H6PD: variants seen among roughly 807,000 people sequenced by gnomAD.
The protein encoded by H6PD is GDH/6PGL endoplasmic bifunctional protein.
In H6PD, 48 loss-of-function variants were observed where a neutral mutation model predicts 61.2. The observed-to-expected ratio is 0.78, with a 90% CI of 0.62 to 1.00. The LOEUF is 1.00. H6PD is among the 50% of genes least tolerant of loss of function. The pLI, the probability that H6PD is intolerant of heterozygous loss-of-function variation, is 0.00. For missense variants in H6PD, 1,093 were observed against 1,065.0 expected, an observed-to-expected ratio of 1.03 and a Z score of -0.37; for synonymous variants, 480 against 457.9, an observed-to-expected ratio of 1.05 and a Z score of -0.62.
intron 3 of H6PD, among the ~76,000 whole-genome samples, chr1:9,250,872 C>T (rs1367134212): frequency 6.6e-6 from 1 of 152,226 alleles, no homozygotes; most frequent in African/African-American, 2.4e-5. Context: ...TCCCCTCCAT[C>T]CTCCATGCTG....
In H6PD at chr1:9,264,192, C is replaced by T; in HGVS notation, c.1699C>T (p.Leu567=). Residue 567 remains leucine, a synonymous_variant, in exon 5 of 5, where the codon CTG becomes TTG. Coordinates refer to ENST00000377403, the MANE Select transcript of H6PD (RefSeq NM_004285.4). ...SAWSEELISK[L]ANDIEATAVR... ...CTGGTCCGAGGAGCTGATCTCTAAGCTGGCTAATGACATCGAGGCCACCGC... is the reference window on the plus strand; with the variant it reads ...CTGGTCCGAGGAGCTGATCTCTAAGTTGGCTAATGACATCGAGGCCACCGC... The T allele has an allele frequency of 6.2e-7, 1 of 1,611,582 alleles. No individual in the cohort carries two copies. Among genetic ancestry groups the T allele is most frequent in the Non-Finnish European group, 8.5e-7 (1 of 1,178,718 alleles).
Position 9,264,125 on chromosome 1 carries a change from G to A in H6PD, c.1632G>A (p.Gln544=), listed in dbSNP as rs749142521. The A allele has an allele frequency of 3.2e-5, 52 of 1,613,868 alleles. No individual in the cohort carries two copies. Among genetic ancestry groups the A allele is most frequent in the Non-Finnish European group, 4.2e-5 (50 of 1,179,936 alleles). The change falls in exon 5 of 5, where the codon CAG becomes CAA. Residue 544 remains glutamine (Q), a synonymous_variant. Coordinates refer to ENST00000377403, the MANE Select transcript of H6PD (RefSeq NM_004285.4). ...PGPAPMPSDF[Q]VLRAKYRESP... ...CGGCCCCAATGCCCAGTGACTTCCA[G>A]GTCCTCAGGGCCAAGTACCGAGAGA...
intron 1 of H6PD, among the ~76,000 whole-genome samples, chr1:9,244,399 T>C (rs1641096728): frequency 6.6e-6 from 1 of 152,198 alleles, no homozygotes; most frequent in Non-Finnish European, 1.5e-5. Flanking sequence ...TTTCTGTCAC[T>C]ATGCTGTAGC....
chr1:9,243,079 G>A (rs749787969), intron 1 of H6PD: 32 of 538,796 alleles, frequency 5.9e-5, no homozygotes, highest in African/African-American at 8.2e-5. Context: ...TGATGGACGC[G>A]TCGTGTGTCC....
intron 3 of H6PD, among the ~76,000 whole-genome samples, chr1:9,258,249 GTGTTGTTACATCAGTGTTGTTACGTTGC>G (rs144778665): frequency 0.38 from 57,986 of 151,554 alleles, 12,305 homozygotes; most frequent in East Asian, 0.54. Flanking sequence ...TGTTATGTTG[GTGTTGTTACATCAGTGTTGTTACGTTGC>G]TGTTGTTACA....
In H6PD at chr1:9,270,365, T is replaced by C. The variant is rs1055010090; in HGVS notation, c.*5496T>C. The C allele has an allele frequency of 6.6e-6, 1 of 152,356 alleles. No individual in the cohort carries two copies. The highest frequency in any genetic ancestry group is 2.4e-5 in the African/African-American group (1 of 41,460). The allele number at this position is 152,356 out of a possible 1,614,324, so 9.4% of individuals were successfully genotyped here. A position where few individuals can be genotyped will look rare whatever the true frequency, so the allele number is the denominator to read the frequency against. The stretch of plus-strand genomic sequence containing the variant: ...TGAACAGACACTACTTGTGTCGCTT[T>C]GGGTCCTTCACTTTACCCCCACAGA... On this transcript the variant is annotated 3_prime_UTR_variant, in exon 5 of 5. Coordinates refer to ENST00000377403, the MANE Select transcript of H6PD (RefSeq NM_004285.4).
rs946770693 is a variant in H6PD, at chr1:9,245,781, C to T, written c.627+220C>T. On this transcript the variant is annotated intron_variant, in intron 2 of 4. Transcript: ENST00000377403. The surrounding 1 kb of genome is among the most constrained non-coding windows in gnomAD (Gnocchi z 4.8). ...TGTCCATGTGTCTGGCCTCTTTTGTCCTTTGCAAAGCCCCCGTTCTCGTTG... is the reference window on the plus strand; with the variant it reads ...TGTCCATGTGTCTGGCCTCTTTTGTTCTTTGCAAAGCCCCCGTTCTCGTTG... 6.6e-6 allele frequency among the ~76,000 whole-genome samples: 1 copy of T among 152,120 alleles called. No individual in the cohort carries two copies. The highest frequency in any genetic ancestry group is 6.5e-5 in the Admixed American group (1 of 15,268).
rs1186731505 is a variant in H6PD at position 9,245,679 on chromosome 1, C to G, written c.627+118C>G. On this transcript the variant is annotated intron_variant, in intron 2 of 4. Coordinates refer to ENST00000377403, the MANE Select transcript of H6PD (RefSeq NM_004285.4). The surrounding 1 kb of genome is among the most constrained non-coding windows in gnomAD (Gnocchi z 4.8). ...CCCAAGGCATTGTGAACTCAGAGCTCCCATGGTCTCCTTGAAGGTGGGCAG... is the reference window on the plus strand; with the variant it reads ...CCCAAGGCATTGTGAACTCAGAGCTGCCATGGTCTCCTTGAAGGTGGGCAG... 9.9e-7 allele frequency: 1 copy of G among 1,012,642 alleles called. No homozygotes were observed. The highest frequency in any genetic ancestry group is 1.5e-6 in the Non-Finnish European group (1 of 656,250). The allele number at this position is 1,012,642 out of a possible 1,614,324, so 62.7% of individuals were successfully genotyped here.
At chr1:9,235,903 C>T (rs1432722071) in intron 1 of H6PD, among the ~76,000 whole-genome samples, 2 of 152,208 alleles carry the variant, frequency 1.3e-5, no homozygotes, top group African/African-American at 4.8e-5. Flanking sequence ...TGAAGCACCA[C>T]GCCCAGACAG....
chr1:9,253,153 A>C (rs999945939), intron 3 of H6PD, among the ~76,000 whole-genome samples: 1 of 152,192 alleles, frequency 6.6e-6, no homozygotes, highest in African/African-American at 2.4e-5. Context: ...CAGTCACTGC[A>C]TTAAACTCTG....
At position 9,264,135 on chromosome 1, in the gene H6PD, G is replaced by C. The variant is rs771065990; in HGVS notation, c.1642G>C (p.Ala548Pro). 2 of 1,613,682 alleles carry C rather than the reference G, an allele frequency of 1.2e-6. No homozygotes were observed. The highest frequency in any genetic ancestry group is 2.2e-5 in the East Asian group (1 of 44,878). ...GCCCAGTGACTTCCAGGTCCTCAGG[G>C]CCAAGTACCGAGAGAGCCCGCTGGT... The part of the protein sequence containing the change: ...PMPSDFQVLR[A>P]KYRESPLVSA... Residue 548 changes from alanine to proline, a missense_variant, in exon 5 of 5, where the codon GCC becomes CCC. Ala to Pro is a conservative substitution (Grantham distance 27). Transcript: ENST00000377403.
intron 3 of H6PD, among the ~76,000 whole-genome samples, chr1:9,257,326 C>T (rs1193877690): frequency 6.6e-6 from 1 of 151,920 alleles, no homozygotes; most frequent in African/African-American, 2.4e-5. Flanking sequence ...AACAGGGTCT[C>T]ACTTTGTTGC....
rs1249403675 is a variant in H6PD at position 9,267,877 on chromosome 1, AAAG to A, written c.*3011_*3013del. ...CAACTGTGTTCCAAGCAGGTTTCAT[AAAG>A]AAATTCTTAACCTTAGAACCTCGGA... On this transcript the variant is annotated 3_prime_UTR_variant, in exon 5 of 5. Coordinates refer to ENST00000377403, the MANE Select transcript of H6PD (RefSeq NM_004285.4). The A allele has an allele frequency of 1.3e-5, 2 of 152,212 alleles. No homozygotes were observed. The highest frequency in any genetic ancestry group is 4.8e-5 in the African/African-American group (2 of 41,436). 9.4% of individuals were successfully genotyped at this position (152,212 alleles called of 1,614,324 possible). A position where few individuals can be genotyped will look rare whatever the true frequency, so the allele number is the denominator to read the frequency against.
rs1326841610 is a variant in H6PD, at chr1:9,266,826, CTCTTT to C, written c.*1959_*1963del. 1.4e-4 allele frequency: 3 copies of C among 22,106 alleles called. No homozygotes were observed. The highest frequency in any genetic ancestry group is 2.2e-4 in the Non-Finnish European group (3 of 13,362). The allele number at this position is 22,106 out of a possible 1,614,324, so 1.4% of individuals were successfully genotyped here. The stretch of plus-strand genomic sequence containing the variant: ...CAACAACCCAGGCCAGACAGAGCAT[CTCTTT>C]TTTTTTTTTTTGAGACAGAGTCTCT... On this transcript the variant is annotated 3_prime_UTR_variant, in exon 5 of 5. Coordinates refer to ENST00000377403, the MANE Select transcript of H6PD (RefSeq NM_004285.4).
At chr1:9,241,522 G>T (rs535106556) in intron 1 of H6PD, among the ~76,000 whole-genome samples, 1 of 152,256 alleles carries the variant, frequency 6.6e-6, no homozygotes, top group African/African-American at 2.4e-5. Context: ...TCAGCCTCCT[G>T]AGTAGCTGAG....
chr1:9,246,966 G>A lies in H6PD; in HGVS notation c.628G>A (p.Ala210Thr). 3 of 1,608,120 alleles carry A rather than the reference G, an allele frequency of 1.9e-6. No individual in the cohort carries two copies. Among genetic ancestry groups the A allele is most frequent in the South Asian group, 2.2e-5 (2 of 91,026 alleles). ...ACGCCCAGTCTTCCCCCCCCGACAG[G>A]CTGTGGCGCAGATCCTGCCTTTCCG... is the stretch of plus-strand genomic sequence containing the variant. Reference protein sequence around the residue: ...YRVDHYLGKQAVAQILPFRDQ... With the variant: ...YRVDHYLGKQTVAQILPFRDQ... The change falls in exon 3 of 5, where the codon GCT (alanine) becomes ACT (threonine). Residue 210 changes from alanine (A) to threonine (T), a missense_variant and splice_region_variant. Transcript: ENST00000377403.
intron 3 of H6PD, among the ~76,000 whole-genome samples, chr1:9,247,590 C>G (rs998752397): frequency 6.6e-6 from 1 of 152,202 alleles, no homozygotes; most frequent in Non-Finnish European, 1.5e-5. Flanking sequence ...ACACCTCCCT[C>G]CCCTGCCCTG....
intron 2 of H6PD, among the ~76,000 whole-genome samples, chr1:9,246,742 C>T (rs1641186623): frequency 1.3e-5 from 2 of 152,182 alleles, no homozygotes; most frequent in South Asian, 4.1e-4. Flanking sequence ...GTAATTCTAA[C>T]TTTTTTTCTT....
chr1:9,240,156 C>T, intron 1 of H6PD: 1 of 425,810 alleles, frequency 2.3e-6, no homozygotes, highest in Non-Finnish European at 4.0e-6. Flanking sequence ...GCCTTTTCCA[C>T]CTCCCTACAG....
Sources: gnomAD v4.1 joint callset for allele counts (sites outside exome capture counted in the v4.1 genomes callset) on GRCh38, gnomAD v4.1.1 for gene constraint, Gnocchi (gnomAD v3.1) non-coding constraint, MANE v1.5 for transcripts, NCBI Gene and HGNC (gene_info 2026-07-23, HGNC 2026-07-21) for gene names.